SDK1: variants seen among roughly 807,000 people sequenced by gnomAD.
SDK1 encodes protein sidekick-1.
In SDK1, 157 loss-of-function variants were observed where a neutral mutation model predicts 245.5. That is an observed-to-expected ratio of 0.64 (90% CI 0.56 to 0.73). SDK1 has a LOEUF of 0.73. Among genes scored for constraint, SDK1 ranks in the 30% least tolerant of loss-of-function variants. SDK1 has a pLI of 0.00. For missense variants in SDK1, 3,583 were observed against 3,002.3 expected, an observed-to-expected ratio of 1.19 and a Z score of -4.52; for synonymous variants, 1,647 against 1,278.5, an observed-to-expected ratio of 1.29 and a Z score of -6.15.
intron 4 of SDK1, among the ~76,000 whole-genome samples, chr7:3,758,531 T>C (rs1486516471): frequency 1.3e-5 from 2 of 152,250 alleles, no homozygotes; most frequent in African/African-American, 4.8e-5. Flanking sequence ...ACCAACCTAA[T>C]AGATTTAATT....
rs577152259 is a variant in SDK1 at position 4,232,987 on chromosome 7, C to T, written c.5828-268C>T. The T allele has an allele frequency of 1.4e-5, 5 of 358,948 alleles. No homozygotes were observed. The South Asian group carries it at 4.0e-4, about 29-fold the overall frequency. 22.2% of individuals were successfully genotyped at this position (358,948 alleles called of 1,614,324 possible). A position where few individuals can be genotyped will look rare whatever the true frequency, so the allele number is the denominator to read the frequency against. On this transcript the variant is annotated intron_variant, in intron 40 of 44. Coordinates refer to ENST00000404826, the MANE Select transcript of SDK1 (RefSeq NM_152744.4). ...ATTTACTGTGGGGAGATATGCATAA[C>T]CTAACGTTTCCCACTATGACCATTT...
intron 1 of SDK1, among the ~76,000 whole-genome samples, chr7:3,592,716 C>A (rs1454934699): frequency 3.3e-5 from 5 of 152,150 alleles, no homozygotes; most frequent in Non-Finnish European, 7.3e-5. Flanking sequence ...CTGTGGGAAT[C>A]CTGCTTGGGT....
chr7:4,250,590 C>A (rs1021107040), intron 44 of SDK1, among the ~76,000 whole-genome samples: 1 of 152,070 alleles, frequency 6.6e-6, no homozygotes, highest in African/African-American at 2.4e-5. Flanking sequence ...AGTGATCCGC[C>A]CACCTCGGCC....
At chr7:4,002,237 GTCT>G (rs1785127584) in intron 14 of SDK1, among the ~76,000 whole-genome samples, 1 of 39,646 alleles carries the variant, frequency 2.5e-5, no homozygotes, top group Admixed American at 3.8e-4. Flanking sequence ...CCGTCTCTGA[GTCT>G]GGGCTCCAGC....
At chr7:4,002,017 C>T (rs867508913) in intron 14 of SDK1, among the ~76,000 whole-genome samples, 10 of 152,360 alleles carry the variant, frequency 6.6e-5, no homozygotes, top group South Asian at 4.1e-4. Context: ...ACAGTCTGTT[C>T]TACAAATGTA....
chr7:3,436,867 A>G (rs576067805), intron 1 of SDK1, among the ~76,000 whole-genome samples: 2 of 152,296 alleles, frequency 1.3e-5, no homozygotes, highest in South Asian at 2.1e-4. Flanking sequence ...CTCCCCAAGA[A>G]CCTACATAGA....
chr7:4,251,359 A>T (rs1003538943), intron 44 of SDK1, among the ~76,000 whole-genome samples: 1 of 152,228 alleles, frequency 6.6e-6, no homozygotes, highest in Non-Finnish European at 1.5e-5. Flanking sequence ...TGCACAGAGC[A>T]AAGTCCAGAG....
chr7:3,474,219 C>T (rs901574551), intron 1 of SDK1, among the ~76,000 whole-genome samples: 17 of 149,486 alleles, frequency 1.1e-4, no homozygotes, highest in African/African-American at 3.4e-4. Context: ...TCTCCTGCCT[C>T]AGCCTCCCAA....
chr7:3,603,868 A>C (rs1233498877), intron 1 of SDK1, among the ~76,000 whole-genome samples: 2 of 152,148 alleles, frequency 1.3e-5, no homozygotes, highest in African/African-American at 4.8e-5. Flanking sequence ...TCAATACCTA[A>C]TTTATTGAGA....
In SDK1 at chr7:3,823,246, G is replaced by A. The variant is rs73310036; in HGVS notation, c.847+1663G>A. Among the ~76,000 whole-genome samples, 960 of 152,222 alleles carry A rather than the reference G, an allele frequency of 6.3e-3. 9 individuals are homozygous for A. The highest frequency in any genetic ancestry group is 0.022 in the African/African-American group (898 of 41,514). On this transcript the variant is annotated intron_variant, in intron 5 of 44. Transcript: ENST00000404826. ...TGGAAATTGTATTATCAAATAGATT[G>A]TTATTATTTTAATGATTCCAAACTT...
In SDK1 at chr7:3,527,721, T is replaced by C. The variant is rs963816843; in HGVS notation, c.299-91359T>C. 1.1e-4 allele frequency among the ~76,000 whole-genome samples: 15 copies of C among 132,956 alleles called. 2 individuals carry two copies. In the East Asian group the frequency reaches 1.6e-3, roughly 14 times the overall value. 87.2% of individuals were successfully genotyped at this position (132,956 alleles called of 152,430 possible). ...GGCTGGATGATAGCCAACTAGGGGG[T>C]GAGTGGTAGGAGGTAAGGTTGGATG... On this transcript the variant is annotated intron_variant, in intron 1 of 44. Coordinates refer to ENST00000404826, the MANE Select transcript of SDK1 (RefSeq NM_152744.4).
intron 40 of SDK1, among the ~76,000 whole-genome samples, chr7:4,230,763 C>T (rs1785709957): frequency 6.6e-6 from 1 of 152,066 alleles, no homozygotes. Context: ...GGTAAATGTG[C>T]TGATGTGATT....
intron 14 of SDK1, among the ~76,000 whole-genome samples, chr7:3,991,979 T>A (rs1784362836): frequency 6.6e-6 from 1 of 152,150 alleles, no homozygotes; most frequent in South Asian, 2.1e-4. Context: ...AAAATGGAAA[T>A]TGCACTTGGC....
intron 44 of SDK1, among the ~76,000 whole-genome samples, chr7:4,248,641 C>G (rs1787074982): frequency 1.3e-5 from 2 of 151,984 alleles, no homozygotes; most frequent in South Asian, 4.1e-4. Context: ...CACATGTACA[C>G]ATACCTGTGC....
chr7:3,835,386 G>T (rs1422535176), intron 5 of SDK1, among the ~76,000 whole-genome samples: 1 of 152,130 alleles, frequency 6.6e-6, no homozygotes, highest in East Asian at 1.9e-4. Flanking sequence ...GCTGCTTCTG[G>T]ATACAGTGGC....
chr7:3,507,753 G>C (rs897357344), intron 1 of SDK1, among the ~76,000 whole-genome samples: 2 of 152,026 alleles, frequency 1.3e-5, no homozygotes, highest in African/African-American at 2.4e-5. Context: ...CCTTCAGTGC[G>C]GGACTCCCTC....
chr7:3,578,919 C>A (rs1299621816), intron 1 of SDK1, among the ~76,000 whole-genome samples: 1 of 151,762 alleles, frequency 6.6e-6, no homozygotes, highest in Non-Finnish European at 1.5e-5. Flanking sequence ...TGACATACAT[C>A]CTCAGTTTAT....
chr7:3,627,407 G>C (rs574141138), intron 2 of SDK1, among the ~76,000 whole-genome samples: 5 of 152,200 alleles, frequency 3.3e-5, no homozygotes, highest in African/African-American at 1.2e-4. Flanking sequence ...CACGTGTATA[G>C]GAGGTATTCA....
At position 4,113,311 on chromosome 7, in the gene SDK1, A is replaced by C. The variant is rs199789474; in HGVS notation, c.3457A>C (p.Ile1153Leu). 1 of 1,613,540 alleles carries C rather than the reference A, an allele frequency of 6.2e-7. No individual in the cohort carries two copies. Among genetic ancestry groups the C allele is most frequent in the Non-Finnish European group, 8.5e-7 (1 of 1,179,842 alleles). The part of the protein sequence containing the change: ...HYRFRMKQVN[I>L]VGPSPYSPSS... ...TAGATTTCGAATGAAGCAAGTGAAC[A>C]TTGTTGGGCCGAGCCCCTACAGTCC... Residue 1153 changes from isoleucine (I) to leucine (L), a missense_variant, in exon 24 of 45, where the codon ATT (isoleucine) becomes CTT (leucine). Transcript: ENST00000404826.
Sources: gnomAD v4.1 joint callset for allele counts (sites outside exome capture counted in the v4.1 genomes callset) on GRCh38, gnomAD v4.1.1 for gene constraint, MANE v1.5 for transcripts, NCBI Gene and HGNC (gene_info 2026-07-23, HGNC 2026-07-21) for gene names.